The following ABR variants were observed in gnomAD, a reference collection of about 807,000 sequenced individuals.
ABR encodes the protein ABR activator of RhoGEF and GTPase, also known as active breakpoint cluster region-related protein.
Under a neutral mutation model 107.2 loss-of-function variants are expected in ABR, and 35 were observed. That is an observed-to-expected ratio of 0.33 (90% CI 0.25 to 0.43). ABR has a LOEUF of 0.43. Ranked by LOEUF, ABR falls within the 20% of genes least tolerant of loss-of-function variation. The pLI, the probability that ABR is intolerant of heterozygous loss-of-function variation, is 1.00. For missense variants in ABR, 815 were observed against 1,115.2 expected, an observed-to-expected ratio of 0.73 and a Z score of 3.83; for synonymous variants, 498 against 462.0, an observed-to-expected ratio of 1.08 and a Z score of -1.00.
At chr17:1,041,717 G>C (rs1171278385) in intron 16 of ABR, among the ~76,000 whole-genome samples, 1 of 152,218 alleles carries the variant, frequency 6.6e-6, no homozygotes, top group Non-Finnish European at 1.5e-5. Flanking sequence ...GGGCGACAGA[G>C]AGAGACTCCA....
At chr17:1,095,350 G>A (rs2037339808) in intron 3 of ABR, among the ~76,000 whole-genome samples, 1 of 152,234 alleles carries the variant, frequency 6.6e-6, no homozygotes, top group African/African-American at 2.4e-5. Flanking sequence ...TGGTTCTCAT[G>A]ACACGATGGG....
At chr17:1,064,212 G>A (rs2034409542) in intron 10 of ABR, among the ~76,000 whole-genome samples, 6 of 128,452 alleles carry the variant, frequency 4.7e-5, no homozygotes, top group Admixed American at 1.6e-4. Context: ...CGTGAACTGA[G>A]GGCTATGCAT....
rs148736887 is a variant in ABR at position 1,166,958 on chromosome 17, G to A, written c.61+12709C>T. Among the ~76,000 whole-genome samples the A allele has an allele frequency of 2.4e-3, 360 of 152,214 alleles. 3 individuals are homozygous for A. Among genetic ancestry groups the A allele is most frequent in the African/African-American group, 8.0e-3 (332 of 41,550 alleles). ...AGAGGCTGCAGTGAGAGCTGAGATC[G>A]CGCCACTGCACTCCAGCCTGGGTGA... On this transcript the variant is annotated intron_variant, in intron 1 of 22. Coordinates refer to ENST00000302538, the MANE Select transcript of ABR (RefSeq NM_021962.5).
At chr17:1,145,158 G>C (rs556856148) in intron 1 of ABR, among the ~76,000 whole-genome samples, 2 of 152,350 alleles carry the variant, frequency 1.3e-5, no homozygotes, top group African/African-American at 4.8e-5. Flanking sequence ...CTCACTGCCT[G>C]TTATTTGTGG....
intron 2 of ABR, among the ~76,000 whole-genome samples, chr17:1,104,682 T>C (rs1196100937): frequency 6.6e-6 from 1 of 152,230 alleles, no homozygotes; most frequent in Non-Finnish European, 1.5e-5. Context: ...TGAGGCAGTG[T>C]AGAGGCATCG....
At chr17:1,153,562 G>A (rs75309620) in intron 1 of ABR, among the ~76,000 whole-genome samples, 28 of 98,262 alleles carry the variant, frequency 2.8e-4, no homozygotes, top group African/African-American at 3.9e-4. Flanking sequence ...AGGGCTGGGG[G>A]TCCAGGCACA....
exon 1 of ABR, chr17:1,228,928 G>T (rs1235241835): frequency 6.6e-6 from 1 of 151,626 alleles, no homozygotes; most frequent in Non-Finnish European, 1.5e-5. Flanking sequence ...AGGTGCTCGC[G>T]CCCGGGGGTC....
intron 6 of ABR, among the ~76,000 whole-genome samples, chr17:1,076,729 T>C (rs9895053): frequency 0.028 from 373 of 13,460 alleles, 13 homozygotes; most frequent in East Asian, 0.12. Context: ...GGGGTGGGGG[T>C]GGGGGGGGTG....
intron 9 of ABR, 115 bp from the exon 10 acceptor site, chr17:1,067,357 A>G: frequency 9.8e-7 from 1 of 1,017,078 alleles, no homozygotes. Context: ...ACTCGCCAGA[A>G]GCAAGAACGA....
intron 11 of ABR, among the ~76,000 whole-genome samples, chr17:1,058,261 T>C (rs1044330859): frequency 1.3e-5 from 2 of 148,676 alleles, no homozygotes; most frequent in African/African-American, 5.0e-5. Flanking sequence ...TGCCTCAGCC[T>C]CCTGAGTAGC....
intron 16 of ABR, among the ~76,000 whole-genome samples, chr17:1,045,983 C>G (rs1808938): frequency 0.37 from 55,957 of 152,050 alleles, 10,784 homozygotes; most frequent in East Asian, 0.65. Flanking sequence ...TGATTCTCCT[C>G]CCTCAGCCTC....
chr17:1,193,649 C>T (rs1174141289), intron 1 of ABR, among the ~76,000 whole-genome samples: 3 of 152,140 alleles, frequency 2.0e-5, no homozygotes, highest in African/African-American at 4.8e-5. Flanking sequence ...TGGCAACTGA[C>T]GCTAATTCAA....
intron 16 of ABR, among the ~76,000 whole-genome samples, chr17:1,015,903 A>T (rs1187504003): frequency 6.6e-6 from 1 of 152,162 alleles, no homozygotes; most frequent in Non-Finnish European, 1.5e-5. Context: ...GCTCAGCATC[A>T]ATTTGGTTCA....
intron 16 of ABR, among the ~76,000 whole-genome samples, chr17:1,048,433 C>G (rs890254979): frequency 6.6e-6 from 1 of 152,258 alleles, no homozygotes; most frequent in Non-Finnish European, 1.5e-5. Flanking sequence ...AGATACCAAA[C>G]TCGGTGGCCA....
At chr17:1,085,576 C>T (rs1211807575) in intron 4 of ABR, among the ~76,000 whole-genome samples, 1 of 152,154 alleles carries the variant, frequency 6.6e-6, no homozygotes, top group African/African-American at 2.4e-5. Context: ...AGCAAATCCA[C>T]TTTTACATAC....
At chr17:1,140,132 A>C (rs893265510) in intron 1 of ABR, among the ~76,000 whole-genome samples, 1 of 152,222 alleles carries the variant, frequency 6.6e-6, no homozygotes, top group Non-Finnish European at 1.5e-5. Flanking sequence ...GGAACGGGGC[A>C]AACCGCCCCT....
At chr17:1,022,906 C>T (rs2071806825) in intron 16 of ABR, among the ~76,000 whole-genome samples, 2 of 152,394 alleles carry the variant, frequency 1.3e-5, no homozygotes, top group East Asian at 1.9e-4. Flanking sequence ...CAGCTCTGAA[C>T]GACGCTTTTG....
chr17:1,031,516 G>A (rs1440133328), intron 16 of ABR: 4 of 200,834 alleles, frequency 2.0e-5, no homozygotes, highest in Admixed American at 1.6e-4. Context: ...GACCCCATCA[G>A]CCCCCGCAGC....
intron 2 of ABR, among the ~76,000 whole-genome samples, chr17:1,102,116 T>C (rs2037938907): frequency 6.6e-6 from 1 of 152,140 alleles, no homozygotes; most frequent in African/African-American, 2.4e-5. Context: ...CCACCTGCAG[T>C]GGCCCGGATG....
Sources: gnomAD v4.1 joint callset for allele counts (sites outside exome capture counted in the v4.1 genomes callset) on GRCh38, gnomAD v4.1.1 for gene constraint, MANE v1.5 for transcripts, NCBI Gene and HGNC (gene_info 2026-07-23, HGNC 2026-07-21) for gene names.